The following MCPH1 variants were observed in gnomAD, a reference collection of about 807,000 sequenced individuals.
MCPH1 encodes the protein microcephalin 1.
A neutral mutation model predicts 84.5 loss-of-function variants in MCPH1; 104 were observed. The ratio of observed to expected loss-of-function variants is 1.23; its 90% CI spans 1.05 to 1.45. MCPH1 has a LOEUF of 1.45. Among genes scored for constraint, MCPH1 ranks in the 40% most tolerant of loss-of-function variants. The pLI, the probability that MCPH1 is intolerant of heterozygous loss-of-function variation, is 0.00. For missense variants in MCPH1, 1,498 were observed against 1,005.7 expected (o/e 1.49, Z -6.62); for synonymous variants, 514 against 366.8 (o/e 1.40, Z -4.58).
At chr8:6,440,020 T>C (rs1382026830) in intron 6 of MCPH1, among the ~76,000 whole-genome samples, 2 of 152,212 alleles carry the variant, frequency 1.3e-5, no homozygotes, top group Admixed American at 6.5e-5. Context: ...TTTACCTAAA[T>C]TAGATAATGA....
chr8:6,448,648 T>C (rs1220208503), intron 8 of MCPH1, among the ~76,000 whole-genome samples: 1 of 152,238 alleles, frequency 6.6e-6, no homozygotes, highest in Non-Finnish European at 1.5e-5. Context: ...TCTACAAGCA[T>C]ACAACTGCAA....
intron 12 of MCPH1, among the ~76,000 whole-genome samples, chr8:6,517,273 T>C (rs996190292): frequency 2.0e-5 from 3 of 152,170 alleles, no homozygotes; most frequent in African/African-American, 7.2e-5. Context: ...CCTGATATCT[T>C]TCTATAAAGC....
chr8:6,441,551 A>G (rs1803511527), intron 6 of MCPH1, among the ~76,000 whole-genome samples: 1 of 152,204 alleles, frequency 6.6e-6, no homozygotes. Flanking sequence ...AGTCATTGAC[A>G]TCCTAAGTGT....
rs1440591197 is a variant in MCPH1 at position 6,487,797 on chromosome 8, C to T, written c.2136+6921C>T. On this transcript the variant is annotated intron_variant, in intron 11 of 13. Transcript: ENST00000344683. ...TTATACCTTGGTAAAGGACTTTATA[C>T]TTCACAGAGTGTTTTCACATGCACT... Among the ~76,000 whole-genome samples the T allele has an allele frequency of 2.6e-5, 4 of 152,214 alleles. No individual in the cohort carries two copies. The South Asian group carries it at 6.2e-4, about 24-fold the overall frequency.
Position 6,576,846 on chromosome 8 carries a change from G to A in MCPH1, c.2215-44608G>A, listed in dbSNP as rs186902132. On this transcript the variant is annotated intron_variant, in intron 12 of 13. Transcript: ENST00000344683. Reference sequence around the variant, plus strand: ...CTAAAGTGCTGGGAGAGGCACAGGCGTCAGCCACAGTGCCTGGCCTACTGT... The same window carrying A: ...CTAAAGTGCTGGGAGAGGCACAGGCATCAGCCACAGTGCCTGGCCTACTGT... Among the ~76,000 whole-genome samples the A allele has an allele frequency of 6.1e-3, 923 of 151,754 alleles. 5 individuals carry two copies. Among genetic ancestry groups the A allele is most frequent in the Middle Eastern group, 0.02 (6 of 294 alleles).
chr8:6,568,178 A>G (rs1165567736), intron 12 of MCPH1, among the ~76,000 whole-genome samples: 1 of 152,112 alleles, frequency 6.6e-6, no homozygotes, highest in Non-Finnish European at 1.5e-5. Context: ...TGGAGGCCCT[A>G]AGGCGCAAAC....
chr8:6,424,294 A>G (rs1800717604), intron 3 of MCPH1, among the ~76,000 whole-genome samples: 1 of 152,154 alleles, frequency 6.6e-6, no homozygotes, highest in Admixed American at 6.5e-5. Flanking sequence ...CTGCAAACTA[A>G]CAGCTAGGTG....
intron 12 of MCPH1, chr8:6,500,230 T>C (rs910379362): frequency 2.6e-6 from 1 of 383,256 alleles, no homozygotes; most frequent in Non-Finnish European, 4.9e-6. Context: ...GGTAGTCTTA[T>C]ATCTTGCTTA....
intron 12 of MCPH1, among the ~76,000 whole-genome samples, chr8:6,557,325 T>G (rs2129575471): frequency 6.6e-6 from 1 of 152,296 alleles, no homozygotes; most frequent in East Asian, 1.9e-4. Flanking sequence ...CCACCATACC[T>G]ACCATACTTG....
At chr8:6,455,984 C>T (rs57065903) in intron 9 of MCPH1, among the ~76,000 whole-genome samples, 4 of 152,190 alleles carry the variant, frequency 2.6e-5, no homozygotes, top group East Asian at 1.9e-4. Context: ...GGTCCTGATA[C>T]GCAGGCTTGA....
At chr8:6,495,745 C>G (rs1351724547) in intron 11 of MCPH1, among the ~76,000 whole-genome samples, 1 of 152,170 alleles carries the variant, frequency 6.6e-6, no homozygotes, top group Non-Finnish European at 1.5e-5. Context: ...GGCAAAAACA[C>G]CCCAATCACT....
At chr8:6,446,007 A>T in intron 8 of MCPH1, 1 of 979,732 alleles carries the variant, frequency 1.0e-6, no homozygotes, top group South Asian at 4.7e-5. Context: ...AGTGTGAAAA[A>T]CTACTTTTAG....
At chr8:6,570,631 T>TG (rs1378249905) in intron 12 of MCPH1, among the ~76,000 whole-genome samples, 3 of 152,118 alleles carry the variant, frequency 2.0e-5, no homozygotes, top group Non-Finnish European at 4.4e-5. Context: ...ACCCTGTTAG[T>TG]GGGAAGGATC....
At chr8:6,480,674 A>G (rs755004448) in intron 10 of MCPH1, 40 bp from the exon 11 acceptor site, 3 of 1,613,134 alleles carry the variant, frequency 1.9e-6, no homozygotes, top group Non-Finnish European at 2.5e-6. Context: ...CATGTGCAAC[A>G]AAGTCATTCA....
At chr8:6,626,975 C>T (rs931779614) in intron 13 of MCPH1, 21 of 976,508 alleles carry the variant, frequency 2.2e-5, no homozygotes, top group Middle Eastern at 5.2e-4. Flanking sequence ...ATATTCTCAA[C>T]AGCATTGCCA....
intron 6 of MCPH1, among the ~76,000 whole-genome samples, chr8:6,440,297 C>T (rs1014558365): frequency 2.6e-5 from 4 of 152,128 alleles, no homozygotes; most frequent in Non-Finnish European, 5.9e-5. Context: ...CAGCTTCCCA[C>T]CCCGACTTTT....
At chr8:6,539,839 G>C (rs1821217014) in intron 12 of MCPH1, among the ~76,000 whole-genome samples, 1 of 152,148 alleles carries the variant, frequency 6.6e-6, no homozygotes, top group Admixed American at 6.5e-5. Context: ...TGCCTGCCTT[G>C]GCCTCCCAAA....
intron 10 of MCPH1, among the ~76,000 whole-genome samples, chr8:6,478,832 T>C (rs1808815221): frequency 6.6e-6 from 1 of 152,254 alleles, no homozygotes; most frequent in African/African-American, 2.4e-5. Flanking sequence ...GAAGTAGTGA[T>C]GAGGCCCAGA....
chr8:6,479,963 A>C (rs1808976056), intron 10 of MCPH1, among the ~76,000 whole-genome samples: 1 of 152,122 alleles, frequency 6.6e-6, no homozygotes, highest in East Asian at 1.9e-4. Flanking sequence ...CTATGTGTTG[A>C]TACTCAATAA....
Sources: allele counts gnomAD v4.1 joint callset (sites outside exome capture counted in the v4.1 genomes callset), GRCh38; gene constraint gnomAD v4.1.1; transcripts MANE v1.5; gene names NCBI Gene and HGNC (gene_info 2026-07-23, HGNC 2026-07-21).